Variants in RBFOX1 observed in about 807,000 individuals in gnomAD.
RBFOX1 encodes the protein RNA binding fox-1 homolog 1, also known as RNA binding protein fox-1 homolog 1.
Under a neutral mutation model 57.7 loss-of-function variants are expected in RBFOX1, and 8 were observed. The observed-to-expected ratio is 0.14, with a 90% CI of 0.08 to 0.25. RBFOX1 has a LOEUF of 0.25. Among genes scored for constraint, RBFOX1 ranks in the 10% least tolerant of loss-of-function variants. The pLI, the probability that RBFOX1 is intolerant of heterozygous loss-of-function variation, is 1.00. For missense variants in RBFOX1, 611 were observed against 548.5 expected (o/e 1.11, Z -1.14); for synonymous variants, 326 against 222.4 (o/e 1.47, Z -4.15).
chr16:6,442,114 G>C (rs535870746), intron 2 of RBFOX1, among the ~76,000 whole-genome samples: 14 of 152,164 alleles, frequency 9.2e-5, no homozygotes, highest in Non-Finnish European at 1.9e-4. Flanking sequence ...GTGATAGAAA[G>C]GGTCATTGAC....
chr16:5,625,161 A>G (rs2048311653), intron 3 of RBFOX1, among the ~76,000 whole-genome samples: 1 of 152,104 alleles, frequency 6.6e-6, no homozygotes, highest in African/African-American at 2.4e-5. Flanking sequence ...TGCACTTAGT[A>G]TTGTCATTGG....
intron 4 of RBFOX1, among the ~76,000 whole-genome samples, chr16:7,288,061 T>TG (rs1479323382): frequency 6.6e-6 from 1 of 152,150 alleles, no homozygotes; most frequent in Non-Finnish European, 1.5e-5. Flanking sequence ...AGGAGTAACA[T>TG]GGTCTCCTTT....
intron 4 of RBFOX1, among the ~76,000 whole-genome samples, chr16:7,354,655 A>AT (rs1331284443): frequency 6.6e-6 from 1 of 152,206 alleles, no homozygotes; most frequent in African/African-American, 2.4e-5. Flanking sequence ...TGAGGAAAGA[A>AT]TTAGGATATT....
intron 15 of RBFOX1, 21 bp from the exon 16 acceptor site, chr16:7,710,602 C>G (rs1457942418): frequency 1.2e-6 from 2 of 1,610,056 alleles, no homozygotes; most frequent in African/African-American, 2.7e-5. Context: ...AAAACACACC[C>G]CTCAAATTGC....
chr16:5,810,505 A>G (rs1038175573), intron 3 of RBFOX1, among the ~76,000 whole-genome samples: 1 of 152,118 alleles, frequency 6.6e-6, no homozygotes, highest in Non-Finnish European at 1.5e-5. Flanking sequence ...GCAAACTAAT[A>G]CACAGGCGAT....
Position 6,108,321 on chromosome 16 carries a change from G to C in RBFOX1, c.-127+88329G>C, listed in dbSNP as rs2096406263. On this transcript the variant is annotated intron_variant, in intron 1 of 15. Coordinates refer to ENST00000550418, the MANE Select transcript of RBFOX1 (RefSeq NM_018723.4). ...CTGAGTTCTGACAGCTCTGTCATTT[G>C]GTACTCGTGTGACAATGGATCTCTG... is the stretch of plus-strand genomic sequence containing the variant. 3.9e-5 allele frequency among the ~76,000 whole-genome samples: 6 copies of C among 152,146 alleles called. No homozygotes were observed. The South Asian group carries it at 1.2e-3, about 32-fold the overall frequency.
At chr16:6,281,668 A>T (rs1411144813) in intron 1 of RBFOX1, among the ~76,000 whole-genome samples, 1 of 152,166 alleles carries the variant, frequency 6.6e-6, no homozygotes, top group African/African-American at 2.4e-5. Flanking sequence ...AACCTCAGTT[A>T]CTTTTGTGCC....
intron 2 of RBFOX1, among the ~76,000 whole-genome samples, chr16:6,507,846 G>C (rs193173438): frequency 4.9e-4 from 74 of 152,194 alleles, no homozygotes; most frequent in African/African-American, 1.7e-3. Context: ...TGGGGGTTTT[G>C]TTTTAATGGG....
At chr16:6,579,257 G>A (rs1038887398) in intron 2 of RBFOX1, among the ~76,000 whole-genome samples, 3 of 152,128 alleles carry the variant, frequency 2.0e-5, no homozygotes, top group African/African-American at 7.2e-5. Flanking sequence ...AGGCTGGAGT[G>A]TAGTGGTTCA....
chr16:7,275,716 G>T (rs2095427887), intron 4 of RBFOX1, among the ~76,000 whole-genome samples: 1 of 152,202 alleles, frequency 6.6e-6, no homozygotes, highest in Non-Finnish European at 1.5e-5. Flanking sequence ...AGATTAATAG[G>T]CATTGTTTTG....
At chr16:6,037,593 T>C (rs1329529068) in intron 1 of RBFOX1, 1 of 152,022 alleles carries the variant, frequency 6.6e-6, no homozygotes, top group East Asian at 1.9e-4. Context: ...TGTTTTGTTT[T>C]GTTTTATTTT....
chr16:7,096,587 C>G (rs952927344), intron 4 of RBFOX1, among the ~76,000 whole-genome samples: 2 of 152,032 alleles, frequency 1.3e-5, no homozygotes, highest in African/African-American at 4.8e-5. Context: ...AACATCCAAC[C>G]CTGTGTAAAA....
rs137986511 is a variant in RBFOX1 at position 6,429,278 on chromosome 16, C to T, written c.-64+112221C>T. ...TGATGAAGGAGCAAAACCTTGGCATCAGCCGTGCACACGGCCCTGGGATCT... is the reference window on the plus strand; with the variant it reads ...TGATGAAGGAGCAAAACCTTGGCATTAGCCGTGCACACGGCCCTGGGATCT... On this transcript the variant is annotated intron_variant, in intron 2 of 15. Transcript: ENST00000550418. 7.9e-3 allele frequency among the ~76,000 whole-genome samples: 1,209 copies of T among 152,372 alleles called. 8 individuals carry two copies. The highest frequency in any genetic ancestry group is 0.014 in the Non-Finnish European group (929 of 68,036).
chr16:7,417,386 A>T (rs1408539191), intron 4 of RBFOX1, among the ~76,000 whole-genome samples: 1 of 151,360 alleles, frequency 6.6e-6, no homozygotes, highest in Non-Finnish European at 1.5e-5. Context: ...GAAAAAAAAA[A>T]AAAAGAGATG....
chr16:7,108,445 A>G (rs769140981), intron 4 of RBFOX1, among the ~76,000 whole-genome samples: 5 of 152,224 alleles, frequency 3.3e-5, no homozygotes, highest in Non-Finnish European at 7.3e-5. Context: ...GTTTAGGTAT[A>G]CAATTGATTC....
intron 4 of RBFOX1, among the ~76,000 whole-genome samples, chr16:7,139,128 C>G (rs76779106): frequency 0.025 from 3,801 of 150,310 alleles, 161 homozygotes; most frequent in African/African-American, 0.088. Flanking sequence ...GATATTCTTA[C>G]CAGTGTCTGG....
chr16:6,633,947 G>A (rs532400203), intron 2 of RBFOX1, among the ~76,000 whole-genome samples: 16 of 152,230 alleles, frequency 1.1e-4, no homozygotes, highest in African/African-American at 3.9e-4. Flanking sequence ...GCCAGGGGGT[G>A]GAGGCTACCA....
chr16:5,285,189 C>G (rs1230839518), intron 1 of RBFOX1, among the ~76,000 whole-genome samples: 1 of 152,126 alleles, frequency 6.6e-6, no homozygotes, highest in African/African-American at 2.4e-5. Flanking sequence ...TTTTAAAAGA[C>G]TAGTCTTCAA....
At chr16:7,710,376 G>C in intron 15 of RBFOX1, 1 of 1,358,740 alleles carries the variant, frequency 7.4e-7, no homozygotes, top group Non-Finnish European at 9.4e-7. Context: ...GCTTATAATA[G>C]AGTCCTTTTA....
Sources: allele counts gnomAD v4.1 joint callset (sites outside exome capture counted in the v4.1 genomes callset), GRCh38; gene constraint gnomAD v4.1.1; transcripts MANE v1.5; gene names NCBI Gene and HGNC (gene_info 2026-07-23, HGNC 2026-07-21).